The following CACNA1E variants were observed in gnomAD, a reference collection of about 807,000 sequenced individuals.
CACNA1E encodes the protein voltage-dependent R-type calcium channel subunit alpha-1E.
Under a neutral mutation model 259.2 loss-of-function variants are expected in CACNA1E, and 40 were observed. That is an observed-to-expected ratio of 0.15 (90% CI 0.12 to 0.20). CACNA1E has a LOEUF of 0.20. CACNA1E is among the 10% of genes least tolerant of loss of function. The probability of loss-of-function intolerance (pLI) is 1.00; values close to 1 mark genes in which losing one functional copy is unlikely to be tolerated. For synonymous variants in CACNA1E, 1,104 were observed against 1,138.5 expected (o/e 0.97, Z 0.61); for missense variants, 1,874 against 3,040.1 (o/e 0.62, Z 9.02).
chr1:181,526,494 C>T (rs1288779019), intron 3 of CACNA1E, among the ~76,000 whole-genome samples: 1 of 151,804 alleles, frequency 6.6e-6, no homozygotes, highest in Admixed American at 6.6e-5. Context: ...TGTCAAAATC[C>T]ATCCAAGGGA....
chr1:181,683,453 A>G (rs564875609), intron 7 of CACNA1E, among the ~76,000 whole-genome samples: 1 of 152,186 alleles, frequency 6.6e-6, no homozygotes, highest in Admixed American at 6.5e-5. Flanking sequence ...CTTTTATTTT[A>G]GGTTCAAGGA....
chr1:181,693,737 T>C (rs978617097), intron 7 of CACNA1E, among the ~76,000 whole-genome samples: 1 of 152,144 alleles, frequency 6.6e-6, no homozygotes, highest in Non-Finnish European at 1.5e-5. Context: ...CACTTCAGCA[T>C]CACACAATAT....
chr1:181,468,783 G>T (rs957657232), intron 2 of CACNA1E, among the ~76,000 whole-genome samples: 2 of 152,166 alleles, frequency 1.3e-5, no homozygotes, highest in East Asian at 3.9e-4. Flanking sequence ...GGCTATGGAA[G>T]AAGGGGTAAG....
chr1:181,642,652 A>T, intron 6 of CACNA1E, among the ~76,000 whole-genome samples: 1 of 151,986 alleles, frequency 6.6e-6, no homozygotes, highest in East Asian at 1.9e-4. Context: ...GGGGTGATGC[A>T]CTTTAGCTCA....
intron 6 of CACNA1E, among the ~76,000 whole-genome samples, chr1:181,593,853 T>G (rs150908387): frequency 1.6e-4 from 25 of 152,324 alleles, no homozygotes; most frequent in African/African-American, 5.8e-4. Context: ...ATCTTAACCT[T>G]TGCAAGTGTT....
At chr1:181,503,292 T>A (rs72731233) in intron 1 of CACNA1E, among the ~76,000 whole-genome samples, 15,858 of 152,292 alleles carry the variant, frequency 0.1, 878 homozygotes, top group Middle Eastern at 0.15. Flanking sequence ...CATCAGGGTC[T>A]GTGGGAACTG....
At chr1:181,666,446 C>A (rs559105868) in intron 7 of CACNA1E, among the ~76,000 whole-genome samples, 2 of 152,168 alleles carry the variant, frequency 1.3e-5, no homozygotes, top group South Asian at 2.1e-4. Flanking sequence ...AAAAGACAAA[C>A]CCTGCTCTTG....
At chr1:181,712,821 A>G (rs1653511597) in intron 8 of CACNA1E, among the ~76,000 whole-genome samples, 1 of 151,826 alleles carries the variant, frequency 6.6e-6, no homozygotes, top group African/African-American at 2.4e-5. Context: ...CCACTAAGAG[A>G]GCTGGCAGCA....
chr1:181,531,174 C>T (rs1441570446), intron 3 of CACNA1E, among the ~76,000 whole-genome samples: 1 of 152,186 alleles, frequency 6.6e-6, no homozygotes, highest in Non-Finnish European at 1.5e-5. Context: ...GAAACCATAA[C>T]TTATTTGGAT....
In CACNA1E at chr1:181,588,506, T is replaced by A. The variant is rs1652314378; in HGVS notation, c.951+7730T>A. 3.3e-5 allele frequency among the ~76,000 whole-genome samples: 5 copies of A among 152,198 alleles called. No homozygotes were observed. The South Asian group carries it at 1.0e-3, about 31-fold the overall frequency. On this transcript the variant is annotated intron_variant, in intron 6 of 47. Transcript: ENST00000367573. Reference sequence around the variant, plus strand: ...AACTATTTTCCCATCCATAGCAGTCTCCACCCTGAAGTTATTCCTACTCAT... The same window carrying A: ...AACTATTTTCCCATCCATAGCAGTCACCACCCTGAAGTTATTCCTACTCAT...
At chr1:181,782,136 A>G (rs1660483097) in intron 39 of CACNA1E, among the ~76,000 whole-genome samples, 1 of 152,248 alleles carries the variant, frequency 6.6e-6, no homozygotes, top group Admixed American at 6.5e-5. Flanking sequence ...TGAGGAATGC[A>G]GCTCTATTCC....
intron 1 of CACNA1E, among the ~76,000 whole-genome samples, chr1:181,322,423 G>A (rs890753483): frequency 1.3e-5 from 2 of 152,136 alleles, no homozygotes; most frequent in Non-Finnish European, 2.9e-5. Context: ...AAACTATAAA[G>A]CCATTCAGAA....
rs1485785602 is a variant in CACNA1E, at chr1:181,511,437, G to A, written c.439G>A (p.Gly147Arg). The change falls in exon 3 of 48, where the codon GGG becomes AGG. Residue 147 changes from glycine (G) to arginine (R), a missense_variant. By Grantham distance (125) the Gly-to-Arg change is moderately radical. Around this residue, in one of 14 missense-constraint regions of CACNA1E, gnomAD observed 55 missense variants for 156.5 expected, o/e 0.35. Transcript: ENST00000367573. ...AGCTGGGATCAAAATTGTGGCCCTG[G>A]GGTTCATCTTCCATAAGGGCTCTTA... is the stretch of plus-strand genomic sequence containing the variant. ...FEAGIKIVAL[G>R]FIFHKGSYLR... is the part of the protein sequence containing the mutation. 1 of 1,613,940 alleles carries A rather than the reference G, an allele frequency of 6.2e-7. No individual in the cohort carries two copies. Among genetic ancestry groups the A allele is most frequent in the Non-Finnish European group, 8.5e-7 (1 of 1,179,854 alleles).
intron 1 of CACNA1E, among the ~76,000 whole-genome samples, chr1:181,371,170 A>T (rs901925263): frequency 6.6e-6 from 1 of 152,124 alleles, no homozygotes; most frequent in Non-Finnish European, 1.5e-5. Flanking sequence ...TGAATATTAG[A>T]TCTTTGCTGA....
At chr1:181,750,576 G>T in intron 26 of CACNA1E, 89 bp downstream of exon 26, 1 of 1,225,810 alleles carries the variant, frequency 8.2e-7, no homozygotes, top group African/African-American at 1.5e-5. Context: ...AGGGGCTCAC[G>T]CACTGAGAAA....
intron 1 of CACNA1E, among the ~76,000 whole-genome samples, chr1:181,318,963 G>T (rs1650140338): frequency 6.6e-6 from 1 of 152,178 alleles, no homozygotes; most frequent in African/African-American, 2.4e-5. Context: ...AGTTTTCTGT[G>T]CTTTTTTGCT....
chr1:181,320,248 G>C (rs1223810551), intron 1 of CACNA1E, among the ~76,000 whole-genome samples: 1 of 152,184 alleles, frequency 6.6e-6, no homozygotes, highest in Non-Finnish European at 1.5e-5. Context: ...AATCCTACAT[G>C]TCTGGATTTC....
intron 3 of CACNA1E, among the ~76,000 whole-genome samples, chr1:181,521,711 G>C (rs1667005964): frequency 6.6e-6 from 1 of 152,172 alleles, no homozygotes; most frequent in Admixed American, 6.5e-5. Context: ...CATAGGAGAA[G>C]ACTTAGGGTG....
At chr1:181,533,158 A>T (rs1667908700) in intron 3 of CACNA1E, among the ~76,000 whole-genome samples, 1 of 151,958 alleles carries the variant, frequency 6.6e-6, no homozygotes, top group South Asian at 2.1e-4. Context: ...ACAGGATATG[A>T]ATAAAATCCA....
Sources: gnomAD v4.1 joint callset for allele counts (sites outside exome capture counted in the v4.1 genomes callset) on GRCh38, gnomAD v4.1.1 for gene constraint, gnomAD v4.1.1 regional missense constraint, MANE v1.5 for transcripts, NCBI Gene and HGNC (gene_info 2026-07-23, HGNC 2026-07-21) for gene names.